Variants in WNT8A observed in about 807,000 individuals in gnomAD.
The protein encoded by WNT8A is Wnt family member 8A, also known as protein Wnt-8a.
WNT8A carries 14 observed loss-of-function variants against 20.5 expected under a neutral mutation model. The observed-to-expected ratio is 0.68, with a 90% CI of 0.45 to 1.07. The LOEUF is 1.07. WNT8A is among the 50% of genes least tolerant of loss of function. WNT8A has a pLI of 0.00. For synonymous variants in WNT8A, 167 were observed against 169.2 expected (o/e 0.99, Z 0.10); for missense variants, 397 against 462.9 (o/e 0.86, Z 1.31).
upstream of WNT8A, among the ~76,000 whole-genome samples, chr5:138,080,444 GTTTTTTTTT>G (rs371833243): frequency 0.015 from 844 of 56,068 alleles, 18 homozygotes; most frequent in African/African-American, 0.021. Context: ...TGTAAATCTT[GTTTTTTTTT>G]TTTTTTTTTT....
chr5:138,091,432 C>T lies in WNT8A; in HGVS notation c.*359C>T, dbSNP rs183877636. ...GTTCCTTTAAATTTCAGACCATGTCCAACCCAGCTGTGCTGCTGGGAATCA... is the reference window on the plus strand; with the variant it reads ...GTTCCTTTAAATTTCAGACCATGTCTAACCCAGCTGTGCTGCTGGGAATCA... On this transcript the variant is annotated 3_prime_UTR_variant, in exon 5 of 5. Transcript: ENST00000506684. 2.2e-4 allele frequency: 302 copies of T among 1,360,472 alleles called. No individual in the cohort carries two copies. The African/African-American group carries it at 4.1e-3, about 18-fold the overall frequency. 84.3% of individuals were successfully genotyped at this position (1,360,472 alleles called of 1,614,324 possible).
intron 2 of WNT8A, among the ~76,000 whole-genome samples, chr5:138,087,486 C>G (rs373960545): frequency 6.6e-6 from 1 of 151,464 alleles, no homozygotes; most frequent in East Asian, 1.9e-4. Context: ...AACCCCATCT[C>G]TACTAGAAAT....
upstream of WNT8A, among the ~76,000 whole-genome samples, chr5:138,083,237 C>T (rs1397519626): frequency 2.2e-4 from 32 of 148,382 alleles, no homozygotes; most frequent in Non-Finnish European, 4.7e-4. Context: ...GCTGAGATTG[C>T]ACCACTGCAC....
intron 2 of WNT8A, among the ~76,000 whole-genome samples, 182 bp downstream of exon 2, chr5:138,084,818 G>T (rs1472281799): frequency 6.6e-6 from 1 of 152,164 alleles, no homozygotes. Flanking sequence ...CTCAGCCCCA[G>T]ATTTGTCATT....
chr5:138,081,993 T>A (rs1297546679), upstream of WNT8A, among the ~76,000 whole-genome samples: 3 of 152,124 alleles, frequency 2.0e-5, no homozygotes, highest in African/African-American at 7.2e-5. Context: ...GGTGGGGGGA[T>A]CTCTGAGCTC....
upstream of WNT8A, among the ~76,000 whole-genome samples, chr5:138,081,051 C>A (rs931938192): frequency 2.0e-5 from 3 of 151,880 alleles, no homozygotes; most frequent in Non-Finnish European, 4.4e-5. Context: ...ACCATCCTGG[C>A]GAACACAGTG....
chr5:138,087,649 C>CAAAAAAAA (rs66902804), intron 2 of WNT8A, among the ~76,000 whole-genome samples, 157 bp from the exon 3 acceptor site: 19 of 70,222 alleles, frequency 2.7e-4, no homozygotes, highest in Non-Finnish European at 3.2e-4. Flanking sequence ...GAGCGAGTCT[C>CAAAAAAAA]AAAAAAAAAA....
upstream of WNT8A, among the ~76,000 whole-genome samples, chr5:138,080,319 C>CAA (rs1213283315): frequency 0.019 from 1,235 of 65,464 alleles, 16 homozygotes; most frequent in African/African-American, 0.064. Context: ...GACTCCTTCT[C>CAA]AAAAAAAAAA....
upstream of WNT8A, among the ~76,000 whole-genome samples, chr5:138,079,854 A>G (rs1750456399): frequency 6.6e-6 from 1 of 152,214 alleles, no homozygotes; most frequent in African/African-American, 2.4e-5. Context: ...TTGATGTGGA[A>G]TGCCTCTCAC....
intron 2 of WNT8A, 53 bp downstream of exon 2, chr5:138,084,689 G>T: frequency 6.5e-7 from 1 of 1,530,838 alleles, no homozygotes; most frequent in Non-Finnish European, 8.8e-7. Context: ...GAATGGAGTG[G>T]GGCTTGCAGT....
chr5:138,091,162 G>A lies in WNT8A; in HGVS notation c.*89G>A, dbSNP rs1198479215. 64 of 1,540,062 alleles carry A rather than the reference G, an allele frequency of 4.2e-5. 1 individual carries two copies. In the South Asian group the frequency reaches 5.1e-4, roughly 12 times the overall value. ...AGAGAGAACAGATTGGAAAGCAATCGGAAAATTGCAGTTTTGGTCTGTAGT... is the reference window on the plus strand; with the variant it reads ...AGAGAGAACAGATTGGAAAGCAATCAGAAAATTGCAGTTTTGGTCTGTAGT... On this transcript the variant is annotated 3_prime_UTR_variant, in exon 5 of 5. Transcript: ENST00000506684.
At chr5:138,080,444 G>GTTTTTTTTTTTTTTTTTTTTTTTT (rs371833243), upstream of WNT8A, among the ~76,000 whole-genome samples, 2 of 55,974 alleles carry the variant, frequency 3.6e-5, no homozygotes, top group Admixed American at 2.5e-4. Context: ...TGTAAATCTT[G>GTTTTTTTTTTTTTTTTTTTTTTTT]TTTTTTTTTT....
the WNT8A span, among the ~76,000 whole-genome samples, chr5:138,078,085 AT>A: frequency 6.6e-6 from 1 of 151,842 alleles, no homozygotes; most frequent in Non-Finnish European, 1.5e-5. Flanking sequence ...CCCAGAGCAT[AT>A]TGTTGGGGAA....
upstream of WNT8A, among the ~76,000 whole-genome samples, chr5:138,082,340 A>T (rs1750529378): frequency 6.6e-6 from 1 of 152,188 alleles, no homozygotes; most frequent in South Asian, 2.1e-4. Flanking sequence ...GCACTTCAGG[A>T]GGCCAAAGGC....
At position 138,084,513 on chromosome 5, in the gene WNT8A, A is replaced by G; in HGVS notation, c.172A>G (p.Thr58Ala). 6.2e-7 allele frequency: 1 copy of G among 1,611,134 alleles called. No individual in the cohort carries two copies. Among genetic ancestry groups the G allele is most frequent in the African/African-American group, 1.3e-5 (1 of 74,946 alleles). Residue 58 changes from threonine to alanine, a missense_variant, in exon 2 of 5, where the codon ACG (threonine) becomes GCG (alanine). By Grantham distance (58) the Thr-to-Ala change is moderately conservative. Transcript: ENST00000506684. Reference protein sequence around the residue: ...ITGPKAYLTYTTSVALGAQSG... With the variant: ...ITGPKAYLTYATSVALGAQSG... ...CCTTTGCCAGGCCTATCTGACCTACACGACTAGTGTGGCCTTGGGTGCCCA... is the reference window on the plus strand; with the variant it reads ...CCTTTGCCAGGCCTATCTGACCTACGCGACTAGTGTGGCCTTGGGTGCCCA...
downstream of WNT8A, chr5:138,091,631 G>C: frequency 1.5e-6 from 1 of 657,708 alleles, no homozygotes; most frequent in South Asian, 1.8e-5. Context: ...TCTTCCTCCA[G>C]CCTGGACAAC....
At chr5:138,077,891 C>A in the WNT8A span, among the ~76,000 whole-genome samples, 1 of 152,068 alleles carries the variant, frequency 6.6e-6, no homozygotes, top group African/African-American at 2.4e-5. Flanking sequence ...ACATACTTGG[C>A]AACACAAAAC....
intron 3 of WNT8A, among the ~76,000 whole-genome samples, chr5:138,088,434 G>A (rs1750740799): frequency 6.7e-6 from 1 of 149,018 alleles, no homozygotes; most frequent in African/African-American, 2.5e-5. Flanking sequence ...TCAGCTCACT[G>A]CAAACTCCAC....
At chr5:138,085,169 A>G (rs1341880262) in intron 2 of WNT8A, among the ~76,000 whole-genome samples, 1 of 152,190 alleles carries the variant, frequency 6.6e-6, no homozygotes, top group East Asian at 1.9e-4. Context: ...TCCTGACCTC[A>G]GGTGATCCAC....
Sources: allele counts gnomAD v4.1 joint callset (sites outside exome capture counted in the v4.1 genomes callset), GRCh38; gene constraint gnomAD v4.1.1; transcripts MANE v1.5; gene names NCBI Gene and HGNC (gene_info 2026-07-23, HGNC 2026-07-21).